The following CAMTA1 variants were observed in gnomAD, a reference collection of about 807,000 sequenced individuals.
CAMTA1 encodes calmodulin-binding transcription activator 1.
A neutral mutation model predicts 170.9 loss-of-function variants in CAMTA1; 27 were observed. The observed-to-expected ratio is 0.16, with a 90% confidence interval of 0.12 to 0.22. The LOEUF (loss-of-function observed/expected upper bound fraction) is 0.22, where lower values mean the gene tolerates loss of function less well. Ranked by LOEUF, CAMTA1 falls within the 10% of genes least tolerant of loss-of-function variation. The pLI, the probability that CAMTA1 is intolerant of heterozygous loss-of-function variation, is 1.00. For synonymous variants in CAMTA1, 833 were observed against 891.5 expected, an observed-to-expected ratio of 0.93 and a Z score of 1.17; for missense variants, 1,619 against 2,217.2, an observed-to-expected ratio of 0.73 and a Z score of 5.42.
chr1:7,202,942 G>T (rs1240613439), intron 4 of CAMTA1, among the ~76,000 whole-genome samples: 2 of 152,150 alleles, frequency 1.3e-5, no homozygotes, highest in Non-Finnish European at 2.9e-5. Context: ...AGACATTCTT[G>T]TCTTGTTCCT....
chr1:7,166,050 G>C lies in CAMTA1; in HGVS notation c.302+74679G>C, dbSNP rs117977674. On this transcript the variant is annotated intron_variant, in intron 4 of 22. Coordinates refer to ENST00000303635, the MANE Select transcript of CAMTA1 (RefSeq NM_015215.4). Reference sequence around the variant, plus strand: ...TATGCTAGTGTCTCTCTAAGCGGGGGGGTGTGTTTACTTGGATACTCTCTT... The same window carrying C: ...TATGCTAGTGTCTCTCTAAGCGGGGCGGTGTGTTTACTTGGATACTCTCTT... 1.6e-4 allele frequency among the ~76,000 whole-genome samples: 24 copies of C among 152,040 alleles called. No homozygotes were observed. In the East Asian group the frequency reaches 4.7e-3, roughly 29 times the overall value.
chr1:7,539,552 T>C (rs1038736874), intron 6 of CAMTA1, among the ~76,000 whole-genome samples: 1 of 152,232 alleles, frequency 6.6e-6, no homozygotes, highest in East Asian at 1.9e-4. Context: ...CTCCGAAGTT[T>C]GTGGGAATGG....
chr1:7,593,143 C>T (rs1055362789), intron 6 of CAMTA1, among the ~76,000 whole-genome samples: 6 of 152,130 alleles, frequency 3.9e-5, no homozygotes, highest in Admixed American at 1.3e-4. Context: ...AGAGATGGCT[C>T]GGTAAAGGTC....
chr1:7,544,724 C>G (rs2094666274), intron 6 of CAMTA1, among the ~76,000 whole-genome samples: 1 of 152,166 alleles, frequency 6.6e-6, no homozygotes, highest in South Asian at 2.1e-4. Context: ...CAAGACTGTG[C>G]AGCTGCATCT....
intron 3 of CAMTA1, among the ~76,000 whole-genome samples, chr1:6,843,197 CAT>C (rs528879072): frequency 8.8e-4 from 134 of 152,230 alleles, no homozygotes; most frequent in African/African-American, 2.8e-3. Flanking sequence ...CTATTTGTAA[CAT>C]GTGGGAATTA....
intron 6 of CAMTA1, among the ~76,000 whole-genome samples, chr1:7,526,314 C>T (rs1352668970): frequency 1.3e-5 from 2 of 152,080 alleles, no homozygotes; most frequent in Non-Finnish European, 2.9e-5. Context: ...GCTCCCCCAC[C>T]GCCCACCACT....
chr1:7,025,907 AG>A (rs1437076130), intron 3 of CAMTA1, among the ~76,000 whole-genome samples: 3 of 152,128 alleles, frequency 2.0e-5, no homozygotes, highest in Non-Finnish European at 4.4e-5. Flanking sequence ...GCTTGAGCCT[AG>A]GAGTTAGAGA....
chr1:7,298,323 C>A (rs1557466527), intron 5 of CAMTA1, among the ~76,000 whole-genome samples: 1 of 8,250 alleles, frequency 1.2e-4, no homozygotes. Flanking sequence ...GCATGATCCA[C>A]CCCCCACCCC....
At chr1:6,983,619 G>T (rs1319375493) in intron 3 of CAMTA1, among the ~76,000 whole-genome samples, 1 of 152,074 alleles carries the variant, frequency 6.6e-6, no homozygotes, top group African/African-American at 2.4e-5. Context: ...TAACTAATTT[G>T]TTTACTTCAG....
chr1:7,242,481 T>C (rs17030609), intron 4 of CAMTA1, among the ~76,000 whole-genome samples: 2,061 of 152,340 alleles, frequency 0.014, 59 homozygotes, highest in African/African-American at 0.045. Flanking sequence ...ATAGAGAAAT[T>C]CACCTGTATT....
chr1:6,951,770 C>G (rs577349072), intron 3 of CAMTA1, among the ~76,000 whole-genome samples: 1 of 152,340 alleles, frequency 6.6e-6, no homozygotes, highest in East Asian at 1.9e-4. Context: ...TGTCCCCTTT[C>G]CTGCTGAGGC....
intron 6 of CAMTA1, among the ~76,000 whole-genome samples, chr1:7,546,492 G>T (rs750153225): frequency 2.6e-5 from 4 of 152,194 alleles, no homozygotes; most frequent in Admixed American, 1.3e-4. Flanking sequence ...ATAACAAAAT[G>T]ATTTCTATTC....
intron 7 of CAMTA1, among the ~76,000 whole-genome samples, chr1:7,648,991 C>T (rs185757161): frequency 9.8e-4 from 149 of 152,346 alleles, no homozygotes; most frequent in African/African-American, 3.4e-3. Context: ...GGAGGGCAGG[C>T]GTTGGAGGCC....
intron 3 of CAMTA1, among the ~76,000 whole-genome samples, chr1:6,836,610 C>T (rs1653239099): frequency 2.6e-5 from 4 of 152,114 alleles, no homozygotes; most frequent in African/African-American, 4.8e-5. Flanking sequence ...TGTGCATGTG[C>T]GCGTATGTGC....
chr1:6,835,536 G>C (rs1051252936), intron 3 of CAMTA1, among the ~76,000 whole-genome samples: 3 of 152,344 alleles, frequency 2.0e-5, no homozygotes, highest in Admixed American at 1.3e-4. Context: ...ACAGATTGCT[G>C]GGCCCCATCC....
At chr1:7,419,161 T>G (rs2091395644) in intron 5 of CAMTA1, among the ~76,000 whole-genome samples, 1 of 151,906 alleles carries the variant, frequency 6.6e-6, no homozygotes, top group Non-Finnish European at 1.5e-5. Context: ...TATTTTTATT[T>G]ATGTATTTAT....
chr1:7,396,768 C>A (rs572947177), intron 5 of CAMTA1, among the ~76,000 whole-genome samples: 1 of 151,966 alleles, frequency 6.6e-6, no homozygotes, highest in Admixed American at 6.6e-5. Context: ...AGTTTTTGTC[C>A]TTGATTATGT....
rs144272882 is a variant in CAMTA1, at chr1:7,562,500, C to T, written c.511-77900C>T. On this transcript the variant is annotated intron_variant, in intron 6 of 22. Coordinates refer to ENST00000303635, the MANE Select transcript of CAMTA1 (RefSeq NM_015215.4). This position sits in a 1 kb window ranked among gnomAD's most constrained non-coding sequence, Gnocchi z 4.8. Reference sequence around the variant, plus strand: ...GCTGGCAGACGGCTCTGCCCACTCCCGCCCGCCTGCGACACCTGTCCTGCT... The same window carrying T: ...GCTGGCAGACGGCTCTGCCCACTCCTGCCCGCCTGCGACACCTGTCCTGCT... 1.4e-3 allele frequency among the ~76,000 whole-genome samples: 220 copies of T among 152,292 alleles called. No homozygotes were observed. Among genetic ancestry groups the T allele is most frequent in the African/African-American group, 5.0e-3 (209 of 41,554 alleles).
At chr1:7,374,878 C>T (rs371368157) in intron 5 of CAMTA1, among the ~76,000 whole-genome samples, 2 of 152,220 alleles carry the variant, frequency 1.3e-5, no homozygotes, top group East Asian at 1.9e-4. Context: ...TAGTCGGCAG[C>T]GGGACCAGGA....
Sources: gnomAD v4.1 joint callset for allele counts (sites outside exome capture counted in the v4.1 genomes callset) on GRCh38, gnomAD v4.1.1 for gene constraint, Gnocchi (gnomAD v3.1) non-coding constraint, MANE v1.5 for transcripts, NCBI Gene and HGNC (gene_info 2026-07-23, HGNC 2026-07-21) for gene names.